Variants in DGKB observed in about 807,000 individuals in gnomAD.
DGKB encodes the protein diacylglycerol kinase beta, also known as 90 kDa diacylglycerol kinase.
A neutral mutation model predicts 114.3 loss-of-function variants in DGKB; 67 were observed. That is an observed-to-expected ratio of 0.59 (90% CI 0.48 to 0.72). The LOEUF (loss-of-function observed/expected upper bound fraction) is 0.72. Ranked by LOEUF, DGKB falls within the 30% of genes least tolerant of loss-of-function variation. The pLI is 0.00. For synonymous variants in DGKB, 398 were observed against 323.1 expected, an observed-to-expected ratio of 1.23 and a Z score of -2.49; for missense variants, 907 against 975.2, an observed-to-expected ratio of 0.93 and a Z score of 0.93.
intron 1 of DGKB, among the ~76,000 whole-genome samples, chr7:14,852,710 C>A (rs531992527): frequency 6.6e-6 from 1 of 151,922 alleles, no homozygotes; most frequent in Non-Finnish European, 1.5e-5. Context: ...GATAGAATAC[C>A]GATTAAAGAA....
rs1240983436 is a variant in DGKB, at chr7:14,786,844, C to T, written c.71-29113G>A. On this transcript the variant is annotated intron_variant, in intron 2 of 25. Transcript: ENST00000402815. ...ATGGCTCGGCATAGGCCCGCAGGTG[C>T]CCCTTTGCATGAACAGCTAAAAACC... Among the ~76,000 whole-genome samples the T allele has an allele frequency of 2.6e-5, 4 of 152,176 alleles. No individual in the cohort carries two copies. In the East Asian group the frequency reaches 7.7e-4, roughly 29 times the overall value.
intron 20 of DGKB, among the ~76,000 whole-genome samples, chr7:14,486,797 CA>C (rs1783878566): frequency 6.6e-6 from 1 of 152,070 alleles, no homozygotes; most frequent in South Asian, 2.1e-4. Context: ...TAAAAAGCAC[CA>C]GTACCAAATC....
chr7:14,511,125 C>T (rs568441360), intron 20 of DGKB, among the ~76,000 whole-genome samples: 28 of 152,262 alleles, frequency 1.8e-4, no homozygotes, highest in African/African-American at 6.5e-4. Context: ...GCATTAGCTC[C>T]TAACAAAAGT....
intron 13 of DGKB, among the ~76,000 whole-genome samples, chr7:14,654,337 G>T (rs1244581352): frequency 6.6e-6 from 1 of 151,736 alleles, no homozygotes; most frequent in African/African-American, 2.4e-5. Context: ...AACCAAGGAG[G>T]TAAATAATCT....
chr7:14,884,366 A>C (rs146764383), intron 1 of DGKB, among the ~76,000 whole-genome samples: 1 of 151,996 alleles, frequency 6.6e-6, no homozygotes, highest in Non-Finnish European at 1.5e-5. Flanking sequence ...CCATCCTTGA[A>C]TGATTGTGAA....
intron 2 of DGKB, among the ~76,000 whole-genome samples, chr7:14,817,101 A>C (rs16878281): frequency 0.11 from 16,863 of 152,218 alleles, 958 homozygotes; most frequent in East Asian, 0.14. Flanking sequence ...AAGGGCTAAT[A>C]GTTTCCTGAA....
At chr7:14,316,805 A>T (rs1806638496) in intron 23 of DGKB, among the ~76,000 whole-genome samples, 1 of 151,494 alleles carries the variant, frequency 6.6e-6, no homozygotes, top group Middle Eastern at 3.4e-3. Context: ...TCATTCTGAT[A>T]TCAAAGCCGG....
chr7:14,600,742 C>G (rs770640913), intron 17 of DGKB, among the ~76,000 whole-genome samples: 2 of 152,154 alleles, frequency 1.3e-5, no homozygotes, highest in African/African-American at 4.8e-5. Flanking sequence ...CTGGGAATAA[C>G]AAAAACCAAA....
intron 21 of DGKB, among the ~76,000 whole-genome samples, chr7:14,381,676 A>G (rs1032714367): frequency 2.6e-5 from 4 of 152,148 alleles, no homozygotes; most frequent in Admixed American, 6.5e-5. Flanking sequence ...AGGCGTGATC[A>G]TATTGAACTG....
intron 1 of DGKB, among the ~76,000 whole-genome samples, chr7:14,919,064 A>G (rs10238043): frequency 0.021 from 1,927 of 93,680 alleles, 18 homozygotes; most frequent in African/African-American, 0.025. Flanking sequence ...CACCACACGC[A>G]CACACACACA....
upstream of DGKB, among the ~76,000 whole-genome samples, chr7:14,905,244 GTTTT>G (rs55752603): frequency 0.13 from 18,172 of 139,320 alleles, 1,243 homozygotes; most frequent in Admixed American, 0.19. Context: ...CATCTTGTTA[GTTTT>G]TTTTTTTTTT....
intron 23 of DGKB, among the ~76,000 whole-genome samples, chr7:14,280,555 T>C (rs1562825012): frequency 6.7e-6 from 1 of 149,154 alleles, no homozygotes; most frequent in Non-Finnish European, 1.5e-5. Context: ...AGACACATAA[T>C]TGTCAGATTC....
intron 1 of DGKB, among the ~76,000 whole-genome samples, chr7:14,942,632 G>A (rs963206526): frequency 1.3e-5 from 2 of 151,762 alleles, no homozygotes; most frequent in Non-Finnish European, 2.9e-5. Flanking sequence ...AGTTTAAAGC[G>A]CTCCGGCTCA....
In DGKB at chr7:14,743,254, T is replaced by G. The variant is rs562028262; in HGVS notation, c.169-7060A>C. 3.9e-5 allele frequency among the ~76,000 whole-genome samples: 6 copies of G among 152,256 alleles called. No individual in the cohort carries two copies. The South Asian group carries it at 1.2e-3, about 32-fold the overall frequency. On this transcript the variant is annotated intron_variant, in intron 4 of 25. Coordinates refer to ENST00000402815, the MANE Select transcript of DGKB (RefSeq NM_001350709.2). The stretch of plus-strand genomic sequence containing the variant: ...CCTTGTTGAAGATTTCTATGTAATA[T>G]TAATGAATAATGAAAGATTTTCATG...
chr7:14,626,992 A>T (rs901236429), intron 14 of DGKB, among the ~76,000 whole-genome samples: 2 of 152,176 alleles, frequency 1.3e-5, no homozygotes, highest in South Asian at 4.1e-4. Flanking sequence ...TTTTAACTAT[A>T]AATTGGAAAG....
At chr7:14,697,314 A>G (rs1360399826) in intron 8 of DGKB, among the ~76,000 whole-genome samples, 2 of 152,070 alleles carry the variant, frequency 1.3e-5, no homozygotes, top group African/African-American at 2.4e-5. Flanking sequence ...TGCAAAAGGG[A>G]AAAAAAATAG....
At chr7:14,160,547 GACTT>G (rs903968581) in intron 25 of DGKB, among the ~76,000 whole-genome samples, 6 of 151,976 alleles carry the variant, frequency 3.9e-5, no homozygotes, top group Non-Finnish European at 7.4e-5. Context: ...CTAGGAATAC[GACTT>G]ACTTACAAGG....
At chr7:14,400,456 T>G (rs1822927708) in intron 21 of DGKB, among the ~76,000 whole-genome samples, 1 of 151,886 alleles carries the variant, frequency 6.6e-6, no homozygotes, top group Non-Finnish European at 1.5e-5. Flanking sequence ...TCCAGAGATC[T>G]GGCAAGTAAC....
At chr7:14,899,997 G>A (rs1782739642) in intron 1 of DGKB, among the ~76,000 whole-genome samples, 1 of 152,198 alleles carries the variant, frequency 6.6e-6, no homozygotes, top group Non-Finnish European at 1.5e-5. Flanking sequence ...TTCTAAAGGG[G>A]AGAAAATGCC....
Sources: gnomAD v4.1 joint callset for allele counts (sites outside exome capture counted in the v4.1 genomes callset) on GRCh38, gnomAD v4.1.1 for gene constraint, MANE v1.5 for transcripts, NCBI Gene and HGNC (gene_info 2026-07-23, HGNC 2026-07-21) for gene names.